The following CSTL1 variants were observed in gnomAD, a reference collection of about 807,000 sequenced individuals.
CSTL1 encodes the protein cystatin like 1, also known as cystatin-like 1.
A neutral mutation model predicts 14.4 loss-of-function variants in CSTL1; 14 were observed. The ratio of observed to expected loss-of-function variants is 0.97; its 90% CI spans 0.64 to 1.52. The LOEUF is 1.52. CSTL1 is among the 40% of genes most tolerant of loss of function. CSTL1 has a pLI of 0.00. For missense variants in CSTL1, 170 were observed against 168.7 expected, an observed-to-expected ratio of 1.01 and a Z score of -0.04; for synonymous variants, 72 against 67.5, an observed-to-expected ratio of 1.07 and a Z score of -0.33.
the CSTL1 span, chr20:23,450,490 G>A: frequency 6.3e-7 from 1 of 1,579,836 alleles, no homozygotes; most frequent in Non-Finnish European, 8.7e-7. Flanking sequence ...GGCCGCAGTT[G>A]TACACTCCAG....
rs146845502 is a variant in CSTL1 at position 23,444,922 on chromosome 20, A to G, written c.*44A>G. 687 of 1,306,870 alleles carry G rather than the reference A, an allele frequency of 5.3e-4. 2 individuals carry two copies. In the Middle Eastern group the frequency reaches 8.3e-3, roughly 16 times the overall value. The allele number at this position is 1,306,870 out of a possible 1,614,324, so 81.0% of individuals were successfully genotyped here. A position where few individuals can be genotyped will look rare whatever the true frequency, so the allele number is the denominator to read the frequency against. The stretch of plus-strand genomic sequence containing the variant: ...TGTGCACTGGCTGTTATTAAACTGT[A>G]AAGGATCATGTCTCCCTCATTGGGG... On this transcript the variant is annotated 3_prime_UTR_variant, in exon 4 of 4. Coordinates refer to ENST00000347397, the MANE Select transcript of CSTL1 (RefSeq NM_138283.1).
chr20:23,446,791 C>T (rs1003472047), downstream of CSTL1, among the ~76,000 whole-genome samples: 1 of 152,164 alleles, frequency 6.6e-6, no homozygotes, highest in Non-Finnish European at 1.5e-5. Flanking sequence ...CAGCCTCTTC[C>T]CAGGCACCAG....
chr20:23,444,586 A>C (rs1031938201), intron 3 of CSTL1, among the ~76,000 whole-genome samples, 185 bp from the exon 4 acceptor site: 1 of 152,170 alleles, frequency 6.6e-6, no homozygotes, highest in Non-Finnish European at 1.5e-5. Context: ...GGTAGGGGGA[A>C]GACAGGGTGA....
At chr20:23,444,938 C>T (rs1024576208), downstream of CSTL1, 1 of 1,148,726 alleles carries the variant, frequency 8.7e-7, no homozygotes, top group Admixed American at 1.7e-5. Flanking sequence ...TCATGTCTCC[C>T]TCATTGGGGT....
At chr20:23,450,530 C>G in the CSTL1 span, 2 of 1,611,466 alleles carry the variant, frequency 1.2e-6, no homozygotes, top group East Asian at 4.5e-5. Flanking sequence ...AGCTTTTGTT[C>G]AAAATTTTGT....
At chr20:23,445,167 G>A (rs892823364), downstream of CSTL1, among the ~76,000 whole-genome samples, 14 of 151,120 alleles carry the variant, frequency 9.3e-5, no homozygotes, top group African/African-American at 2.9e-4. Context: ...ACACTCACTC[G>A]CACACACATT....
chr20:23,458,130 C>T, the CSTL1 span, among the ~76,000 whole-genome samples: 1 of 152,200 alleles, frequency 6.6e-6, no homozygotes, highest in African/African-American at 2.4e-5. Context: ...ATCTTTCTGA[C>T]TTTCCACATC....
intron 3 of CSTL1, 58 bp from the exon 4 acceptor site, chr20:23,444,713 T>G: frequency 4.3e-6 from 5 of 1,162,174 alleles, no homozygotes; most frequent in Non-Finnish European, 6.5e-6. Flanking sequence ...AACAGGTGCC[T>G]GTTGCTTGCC....
chr20:23,448,269 C>T (rs1987006154), downstream of CSTL1, among the ~76,000 whole-genome samples: 1 of 149,136 alleles, frequency 6.7e-6, no homozygotes, highest in Non-Finnish European at 1.5e-5. Context: ...AGTGAACTCT[C>T]CCACCCCACC....
chr20:23,449,602 G>A (rs1293963674), downstream of CSTL1, among the ~76,000 whole-genome samples: 1 of 152,188 alleles, frequency 6.6e-6, no homozygotes, highest in African/African-American at 2.4e-5. Flanking sequence ...AGGAAGTGGA[G>A]TGGGGTAAGC....
At chr20:23,448,433 G>A (rs116325053), downstream of CSTL1, among the ~76,000 whole-genome samples, 2,195 of 152,210 alleles carry the variant, frequency 0.014, 58 homozygotes, top group African/African-American at 0.05. Flanking sequence ...GCATGGTGCT[G>A]GTTACACGAA....
chr20:23,450,272 A>G, the CSTL1 span: 3 of 392,762 alleles, frequency 7.6e-6, no homozygotes, highest in African/African-American at 2.1e-5. Context: ...GGCATAGGTG[A>G]TAAGGTCAGG....
At chr20:23,457,915 G>A in the CSTL1 span, among the ~76,000 whole-genome samples, 5 of 151,968 alleles carry the variant, frequency 3.3e-5, no homozygotes, top group South Asian at 2.1e-4. Context: ...TCCTTCCATC[G>A]CCTCTCTGGG....
At chr20:23,447,565 C>G (rs998659522), downstream of CSTL1, among the ~76,000 whole-genome samples, 1 of 150,824 alleles carries the variant, frequency 6.6e-6, no homozygotes, top group Non-Finnish European at 1.5e-5. Flanking sequence ...TCAAGTGATT[C>G]TCCTGCCTCA....
At chr20:23,449,606 G>C (rs1337099383), downstream of CSTL1, among the ~76,000 whole-genome samples, 3 of 152,098 alleles carry the variant, frequency 2.0e-5, no homozygotes, top group Admixed American at 6.5e-5. Context: ...AGTGGAGTGG[G>C]GTAAGCCCGG....
chr20:23,460,365 A>G, the CSTL1 span, among the ~76,000 whole-genome samples: 1 of 152,204 alleles, frequency 6.6e-6, no homozygotes, highest in African/African-American at 2.4e-5. Context: ...TGTTGATCCC[A>G]TCTGGAATTT....
chr20:23,444,825 C>T lies in CSTL1; in HGVS notation c.385C>T (p.Leu129Phe). ...YTMPWINYFQ[L>F]WNNSCLEAEH... is the part of the protein sequence containing the mutation. ...CATGCCCTGGATAAACTATTTCCAG[C>T]TCTGGAACAATTCCTGTCTGGAGGC... Residue 129 changes from leucine to phenylalanine, a missense_variant, in exon 4 of 4, where the codon CTC becomes TTC. Coordinates refer to ENST00000347397, the MANE Select transcript of CSTL1 (RefSeq NM_138283.1). The T allele has an allele frequency of 6.2e-7, 1 of 1,614,062 alleles. No homozygotes were observed. The highest frequency in any genetic ancestry group is 8.5e-7 in the Non-Finnish European group (1 of 1,179,924).
chr20:23,451,943 A>AG, the CSTL1 span: 1 of 1,564,856 alleles, frequency 6.4e-7, no homozygotes, highest in East Asian at 2.2e-5. Context: ...GGCGTGGGGG[A>AG]GGCACAGCTT....
chr20:23,440,786 C>T (rs535551986), intron 2 of CSTL1: 42 of 389,110 alleles, frequency 1.1e-4, no homozygotes, highest in East Asian at 6.5e-4. Flanking sequence ...GATGGAGTTT[C>T]GCTCTTGTTG....
Sources: allele counts gnomAD v4.1 joint callset (sites outside exome capture counted in the v4.1 genomes callset), GRCh38; gene constraint gnomAD v4.1.1; transcripts MANE v1.5; gene names NCBI Gene and HGNC (gene_info 2026-07-23, HGNC 2026-07-21).